The following FRMPD3 variants were observed in gnomAD, a reference collection of about 807,000 sequenced individuals.
The protein encoded by FRMPD3 is FERM and PDZ domain containing 3, also known as FERM and PDZ domain-containing protein 3.
Under a neutral mutation model 97.9 loss-of-function variants are expected in FRMPD3, and 42 were observed. That is an observed-to-expected ratio of 0.43 (90% confidence interval 0.34 to 0.55). The LOEUF is 0.55. FRMPD3 is among the 20% of genes least tolerant of loss of function. The pLI is 0.03. For missense variants in FRMPD3, 1,303 were observed against 1,457.7 expected (o/e 0.89, Z 1.73); for synonymous variants, 577 against 581.1 (o/e 0.99, Z 0.10).
At chrX:107,480,899 A>AAGGAAG (rs1569410738) in intron 1 of FRMPD3, among the ~76,000 whole-genome samples, 103 of 42,816 alleles carry the variant, frequency 2.4e-3, no homozygotes, top group Middle Eastern at 0.011. Flanking sequence ...AAGGAAGGAA[A>AAGGAAG]GAAAGAAAGA....
Position 107,600,431 on chromosome X carries a change from T to G in FRMPD3, c.2392T>G (p.Phe798Val). The G allele has an allele frequency of 8.3e-7, 1 of 1,210,535 alleles. No homozygotes were observed. The highest frequency in any genetic ancestry group is 1.1e-6 in the Non-Finnish European group (1 of 895,255). ...AMKQHQNTTY[F>V]LAQHLNKDSL... ...GAAGCAGCACCAGAACACCACCTACTTCCTGGCCCAGCACCTCAACAAGGA... is the reference window on the plus strand; with the variant it reads ...GAAGCAGCACCAGAACACCACCTACGTCCTGGCCCAGCACCTCAACAAGGA... The change falls in exon 15 of 15, where the codon TTC becomes GTC. Residue 798 changes from phenylalanine to valine, a missense_variant. Around this residue, in one of 3 missense-constraint regions of FRMPD3, gnomAD observed 764 missense variants for 820.2 expected, o/e 0.93. Transcript: ENST00000683843.
chrX:107,554,700 C>T (rs1922004904), intron 8 of FRMPD3, 196 bp downstream of exon 8: 1 of 443,506 alleles, frequency 2.3e-6, no homozygotes. Flanking sequence ...GGCTGTGGCT[C>T]AAAGTCCTGT....
At chrX:107,557,714 T>G (rs776456713) in intron 8 of FRMPD3, among the ~76,000 whole-genome samples, 4 of 95,045 alleles carry the variant, frequency 4.2e-5, no homozygotes, top group Non-Finnish European at 8.4e-5. Context: ...CATATGGATA[T>G]CCAATTGTTA....
At chrX:107,499,076 A>G (rs1196378336) in intron 1 of FRMPD3, among the ~76,000 whole-genome samples, 1 of 110,489 alleles carries the variant, frequency 9.1e-6, no homozygotes, top group African/African-American at 3.3e-5. Flanking sequence ...GGATACAGTG[A>G]ACAAGACATA....
At chrX:107,575,748 G>A (rs1225947351) in intron 12 of FRMPD3, among the ~76,000 whole-genome samples, 3 of 112,544 alleles carry the variant, frequency 2.7e-5, no homozygotes, top group African/African-American at 9.7e-5. Context: ...ACCGCGCCGG[G>A]CCGAGCATGA....
intron 5 of FRMPD3, 31 bp downstream of exon 5, chrX:107,545,872 C>A: frequency 9.2e-7 from 1 of 1,081,974 alleles, no homozygotes; most frequent in Non-Finnish European, 1.3e-6. Flanking sequence ...CTCTCCTCAG[C>A]CCCTGGCCAT....
chrX:107,483,032 G>A (rs1328341050), intron 1 of FRMPD3, among the ~76,000 whole-genome samples: 1 of 112,012 alleles, frequency 8.9e-6, no homozygotes, highest in Non-Finnish European at 1.9e-5. Context: ...TCCATGCTTT[G>A]GAACGAATGA....
At chrX:107,474,191 A>G (rs1921140483) in intron 1 of FRMPD3, among the ~76,000 whole-genome samples, 1 of 112,374 alleles carries the variant, frequency 8.9e-6, no homozygotes, top group Admixed American at 9.4e-5. Context: ...CTACAGCAGG[A>G]GGAGGTCATC....
chrX:107,596,408 C>T (rs1249781832), intron 13 of FRMPD3, among the ~76,000 whole-genome samples: 2 of 111,886 alleles, frequency 1.8e-5, no homozygotes, highest in Non-Finnish European at 3.8e-5. Context: ...TAAGTTAGTG[C>T]TTGTTTGTTA....
chrX:107,583,869 C>CTTTTTTTTTTT (rs1270872725), intron 13 of FRMPD3, among the ~76,000 whole-genome samples: 1 of 94,885 alleles, frequency 1.1e-5, no homozygotes, highest in African/African-American at 3.9e-5. Flanking sequence ...CTTTTTCTTT[C>CTTTTTTTTTTT]TTTTTTTTTT....
intron 5 of FRMPD3, among the ~76,000 whole-genome samples, chrX:107,549,252 G>A (rs1921747383): frequency 9.2e-6 from 1 of 108,241 alleles, no homozygotes; most frequent in Non-Finnish European, 1.9e-5. Flanking sequence ...GAACTCAGGA[G>A]GCAGAGGTTG....
At chrX:107,505,763 C>T (rs192052822) in intron 1 of FRMPD3, among the ~76,000 whole-genome samples, 27 of 112,531 alleles carry the variant, frequency 2.4e-4, no homozygotes, top group African/African-American at 7.7e-4. Flanking sequence ...ATGCCATTGC[C>T]AAGGCATGAA....
chrX:107,511,631 C>G (rs191648167), intron 1 of FRMPD3, among the ~76,000 whole-genome samples: 4 of 112,830 alleles, frequency 3.5e-5, no homozygotes. Flanking sequence ...TTGCCCAGAG[C>G]CCTGTGCAGC....
chrX:107,485,721 A>T (rs755974013), intron 1 of FRMPD3, among the ~76,000 whole-genome samples: 3 of 111,943 alleles, frequency 2.7e-5, no homozygotes, highest in African/African-American at 9.7e-5. Flanking sequence ...GTACCCTCTG[A>T]GGCCTCATTT....
chrX:107,459,670 G>A (rs1360430142), intron 1 of FRMPD3, among the ~76,000 whole-genome samples: 1 of 112,509 alleles, frequency 8.9e-6, no homozygotes, highest in Non-Finnish European at 1.9e-5. Flanking sequence ...TCTTGTGGGA[G>A]CATATGATGC....
intron 12 of FRMPD3, 81 bp downstream of exon 12, chrX:107,565,147 T>C: frequency 3.2e-6 from 3 of 938,772 alleles, no homozygotes; most frequent in Non-Finnish European, 4.3e-6. Flanking sequence ...AGAAAGAGAA[T>C]TGGAATCTGT....
intron 1 of FRMPD3, among the ~76,000 whole-genome samples, chrX:107,518,648 A>C (rs1041564666): frequency 4.4e-5 from 5 of 112,491 alleles, no homozygotes; most frequent in African/African-American, 1.6e-4. Context: ...GGGAACATAA[A>C]TGGTACAGCT....
chrX:107,578,327 G>A (rs1382178468), intron 13 of FRMPD3, among the ~76,000 whole-genome samples: 1 of 112,020 alleles, frequency 8.9e-6, no homozygotes, highest in Non-Finnish European at 1.9e-5. Flanking sequence ...CTGGCCCCAA[G>A]TATTCCCCTT....
chrX:107,592,611 C>A (rs921506338), intron 13 of FRMPD3, among the ~76,000 whole-genome samples: 2 of 110,854 alleles, frequency 1.8e-5, no homozygotes, highest in Non-Finnish European at 3.8e-5. Context: ...GTGCAAGTGT[C>A]TTTTTCATAT....
Sources: allele counts gnomAD v4.1 joint callset (sites outside exome capture counted in the v4.1 genomes callset), GRCh38; gene constraint gnomAD v4.1.1; regional missense constraint gnomAD v4.1.1; transcripts MANE v1.5; gene names NCBI Gene and HGNC (gene_info 2026-07-23, HGNC 2026-07-21).